NAALADL2: variants seen among roughly 807,000 people sequenced by gnomAD.
The protein encoded by NAALADL2 is N-acetylated alpha-linked acidic dipeptidase like 2.
A neutral mutation model predicts 87.2 loss-of-function variants in NAALADL2; 76 were observed. The observed-to-expected ratio is 0.87, with a 90% CI of 0.72 to 1.05. The LOEUF (loss-of-function observed/expected upper bound fraction) is 1.05, where lower values mean the gene tolerates loss of function less well. Ranked by LOEUF, NAALADL2 falls within the 50% of genes least tolerant of loss-of-function variation. The pLI, the probability that NAALADL2 is intolerant of heterozygous loss-of-function variation, is 0.00. For missense variants in NAALADL2, 1,089 were observed against 945.8 expected (o/e 1.15, Z -1.99); for synonymous variants, 354 against 331.0 (o/e 1.07, Z -0.75).
At chr3:175,498,228 G>A (rs2149361305) in intron 9 of NAALADL2, among the ~76,000 whole-genome samples, 1 of 152,196 alleles carries the variant, frequency 6.6e-6, no homozygotes, top group South Asian at 2.1e-4. Flanking sequence ...AAATCTAAAA[G>A]CTATTGACCT....
chr3:174,552,789 C>T (rs1448734227), intron 2 of NAALADL2, among the ~76,000 whole-genome samples: 1 of 123,116 alleles, frequency 8.1e-6, no homozygotes, highest in Non-Finnish European at 1.6e-5. Context: ...GAGTGAGACC[C>T]TGCCTCAAAA....
intron 2 of NAALADL2, among the ~76,000 whole-genome samples, chr3:174,560,050 A>G (rs1331069198): frequency 6.6e-6 from 1 of 152,222 alleles, no homozygotes; most frequent in African/African-American, 2.4e-5. Flanking sequence ...ATTTTTAATT[A>G]TCTAGTTATT....
intron 5 of NAALADL2, among the ~76,000 whole-genome samples, chr3:175,410,015 A>G (rs991801317): frequency 6.6e-6 from 1 of 152,132 alleles, no homozygotes; most frequent in Non-Finnish European, 1.5e-5. Context: ...CTAAATAACC[A>G]AACATAATTG....
At chr3:175,332,277 CA>C (rs1761491737) in intron 5 of NAALADL2, among the ~76,000 whole-genome samples, 1 of 152,024 alleles carries the variant, frequency 6.6e-6, no homozygotes, top group African/African-American at 2.4e-5. Context: ...CAATCCTGAA[CA>C]AAAAGAAGAA....
chr3:175,096,736 G>C, intron 1 of NAALADL2, 54 bp from the exon 2 acceptor site: 1 of 1,225,854 alleles, frequency 8.2e-7, no homozygotes, highest in Non-Finnish European at 1.1e-6. Flanking sequence ...CACTTTGTTA[G>C]TTTTTTTAAT....
At chr3:175,325,845 C>T in intron 5 of NAALADL2, among the ~76,000 whole-genome samples, 1 of 152,144 alleles carries the variant, frequency 6.6e-6, no homozygotes, top group East Asian at 1.9e-4. Context: ...TCTGAAATGG[C>T]TTTATTCTGC....
intron 3 of NAALADL2, among the ~76,000 whole-genome samples, chr3:174,839,007 T>C (rs1723696661): frequency 6.6e-6 from 1 of 151,942 alleles, no homozygotes; most frequent in African/African-American, 2.4e-5. Context: ...CCAAAGTTCA[T>C]AAGGAACCAA....
At chr3:174,645,127 C>T (rs1314617712) in intron 2 of NAALADL2, among the ~76,000 whole-genome samples, 2 of 152,114 alleles carry the variant, frequency 1.3e-5, no homozygotes, top group East Asian at 1.9e-4. Context: ...GGGCTAATTT[C>T]GTACAGCTGG....
intron 1 of NAALADL2, among the ~76,000 whole-genome samples, chr3:175,005,251 A>G (rs1748859806): frequency 6.6e-6 from 1 of 152,182 alleles, no homozygotes; most frequent in Admixed American, 6.6e-5. Context: ...AAAGGTTAAT[A>G]ACTTATTCAA....
intron 1 of NAALADL2, among the ~76,000 whole-genome samples, chr3:175,004,354 G>C (rs1748702398): frequency 7.3e-6 from 1 of 137,384 alleles, no homozygotes; most frequent in South Asian, 2.4e-4. Context: ...ACTCCAGCCT[G>C]GGTGACAGAG....
Position 175,592,079 on chromosome 3 carries a change from G to A in NAALADL2, c.1800+15892G>A, listed in dbSNP as rs150908280. ...GCACTATAAATGCTATTCTTTCATA[G>A]TAATGTTCAGGGTCAGTTTCTAAAA... is the stretch of plus-strand genomic sequence containing the variant. On this transcript the variant is annotated intron_variant, in intron 10 of 13. Coordinates refer to ENST00000454872, the MANE Select transcript of NAALADL2 (RefSeq NM_207015.3). Among the ~76,000 whole-genome samples, 9 of 152,004 alleles carry A rather than the reference G, an allele frequency of 5.9e-5. No homozygotes were observed. In the East Asian group the frequency reaches 1.4e-3, roughly 23 times the overall value.
At chr3:175,309,837 C>G (rs189291332) in intron 4 of NAALADL2, among the ~76,000 whole-genome samples, 36 of 152,260 alleles carry the variant, frequency 2.4e-4, no homozygotes, top group African/African-American at 8.4e-4. Context: ...ATCTGCTAGT[C>G]ATTTTCTGTA....
intron 1 of NAALADL2, among the ~76,000 whole-genome samples, chr3:174,479,126 A>G (rs1717396959): frequency 6.6e-6 from 1 of 152,208 alleles, no homozygotes; most frequent in Admixed American, 6.6e-5. Context: ...AAACAAATTT[A>G]TGATACATTT....
upstream of NAALADL2, among the ~76,000 whole-genome samples, chr3:174,855,775 TACACACACACACACACACACAC>T (rs10576439): frequency 5.2e-5 from 7 of 135,624 alleles, no homozygotes; most frequent in Admixed American, 1.5e-4. Context: ...AGGAGAGAAA[TACACACACACACACACACACAC>T]ACACACACAC....
chr3:174,678,243 T>C (rs1727220788), intron 2 of NAALADL2, among the ~76,000 whole-genome samples: 3 of 152,174 alleles, frequency 2.0e-5, no homozygotes, highest in Non-Finnish European at 4.4e-5. Flanking sequence ...GGTCTGGAGT[T>C]GGGCCTGAGA....
At chr3:175,153,194 G>T (rs1340910002) in intron 2 of NAALADL2, among the ~76,000 whole-genome samples, 1 of 152,014 alleles carries the variant, frequency 6.6e-6, no homozygotes, top group Non-Finnish European at 1.5e-5. Context: ...AACCTTAAAG[G>T]TTTACATGTT....
chr3:174,638,222 G>T (rs2108721091), intron 2 of NAALADL2, among the ~76,000 whole-genome samples: 1 of 152,240 alleles, frequency 6.6e-6, no homozygotes, highest in African/African-American at 2.4e-5. Context: ...TTCTCTGCAT[G>T]GCCTTCATTC....
At chr3:174,530,366 G>C (rs1721128840) in intron 1 of NAALADL2, among the ~76,000 whole-genome samples, 1 of 152,108 alleles carries the variant, frequency 6.6e-6, no homozygotes, top group African/African-American at 2.4e-5. Flanking sequence ...TTTGGTCAAA[G>C]CCATTCAAGT....
chr3:175,286,545 A>G (rs901998399), intron 4 of NAALADL2, among the ~76,000 whole-genome samples: 2 of 152,174 alleles, frequency 1.3e-5, no homozygotes, highest in African/African-American at 4.8e-5. Context: ...AACGTTTACT[A>G]GATTCGTTAT....
Sources: allele counts gnomAD v4.1 joint callset (sites outside exome capture counted in the v4.1 genomes callset), GRCh38; gene constraint gnomAD v4.1.1; transcripts MANE v1.5; gene names NCBI Gene and HGNC (gene_info 2026-07-23, HGNC 2026-07-21).